ABCA13: variants seen among roughly 807,000 people sequenced by gnomAD.
ABCA13 encodes ATP-binding cassette sub-family A member 13.
Under a neutral mutation model 478.7 loss-of-function variants are expected in ABCA13, and 476 were observed. The ratio of observed to expected loss-of-function variants is 0.99; its 90% CI spans 0.92 to 1.07. The LOEUF (loss-of-function observed/expected upper bound fraction) is 1.07, where lower values mean the gene tolerates loss of function less well. ABCA13 is among the 50% of genes least tolerant of loss of function. ABCA13 has a pLI of 0.00. For synonymous variants in ABCA13, 2,252 were observed against 2,158.9 expected (o/e 1.04, Z -1.20); for missense variants, 6,060 against 5,910.6 (o/e 1.03, Z -0.83).
At position 48,275,082 on chromosome 7, in the gene ABCA13, T is replaced by A. The variant is rs372653548; in HGVS notation, c.5416T>A (p.Ser1806Thr). Reference protein sequence around the residue: ...KILLDTIELVSDKPDIISEAL... With the variant: ...KILLDTIELVTDKPDIISEAL... ...TCTTTTGGATACAATTGAATTAGTA[T>A]CAGATAAGCCAGATATTATTTCAGA... The change falls in exon 17 of 62, where the codon TCA becomes ACA. Residue 1806 changes from serine (S) to threonine (T), a missense_variant. Ser to Thr is a moderately conservative substitution (Grantham distance 58). Transcript: ENST00000435803. The A allele has an allele frequency of 3.0e-5, 48 of 1,613,196 alleles. No homozygotes were observed. Among genetic ancestry groups the A allele is most frequent in the Non-Finnish European group, 4.0e-5 (47 of 1,179,544 alleles).
chr7:48,298,884 A>G (rs929642807), intron 23 of ABCA13, among the ~76,000 whole-genome samples: 1 of 152,222 alleles, frequency 6.6e-6, no homozygotes, highest in Non-Finnish European at 1.5e-5. Flanking sequence ...AGAATCAACT[A>G]TGACTTCCTC....
chr7:48,252,813 A>G (rs1584452744), intron 15 of ABCA13, among the ~76,000 whole-genome samples: 1 of 152,158 alleles, frequency 6.6e-6, no homozygotes, highest in East Asian at 1.9e-4. Context: ...TTAGCGGACA[A>G]TCTCTGGAGA....
At chr7:48,293,061 C>G (rs1445591537) in intron 20 of ABCA13, among the ~76,000 whole-genome samples, 1 of 152,110 alleles carries the variant, frequency 6.6e-6, no homozygotes, top group African/African-American at 2.4e-5. Flanking sequence ...AAGTTGCATG[C>G]TTTGTAATAA....
At position 48,326,236 on chromosome 7, in the gene ABCA13, C is replaced by G. The variant is rs73097187; in HGVS notation, c.9999+8940C>G. ...AGAAAATCCCTCTTCCTTCACTGTC[C>G]CTCCAGAGCCCTCTTCTGGCAAAGC... On this transcript the variant is annotated intron_variant, in intron 27 of 61. Coordinates refer to ENST00000435803, the MANE Select transcript of ABCA13 (RefSeq NM_152701.5). Among the ~76,000 whole-genome samples, 84 of 152,296 alleles carry G rather than the reference C, an allele frequency of 5.5e-4. 1 individual carries two copies. The highest frequency in any genetic ancestry group is 9.7e-4 in the Non-Finnish European group (66 of 68,026).
At chr7:48,602,681 T>C (rs1305416026) in intron 58 of ABCA13, among the ~76,000 whole-genome samples, 3 of 152,166 alleles carry the variant, frequency 2.0e-5, no homozygotes, top group African/African-American at 7.2e-5. Flanking sequence ...TTGTTCTTTT[T>C]GCTTAGGATT....
chr7:48,284,553 C>T (rs7779867), intron 19 of ABCA13, among the ~76,000 whole-genome samples: 110,945 of 152,196 alleles, frequency 0.73, 41,182 homozygotes, highest in East Asian at 0.99. Flanking sequence ...AATTCAGCCA[C>T]GTTTGAAGAC....
intron 20 of ABCA13, among the ~76,000 whole-genome samples, chr7:48,291,955 C>T (rs1460736670): frequency 6.6e-6 from 1 of 152,184 alleles, no homozygotes; most frequent in African/African-American, 2.4e-5. Flanking sequence ...AATTCCACAC[C>T]TGGCTCCTCT....
intron 55 of ABCA13, among the ~76,000 whole-genome samples, chr7:48,531,869 AT>A (rs2131057800): frequency 6.6e-6 from 1 of 151,502 alleles, no homozygotes; most frequent in African/African-American, 2.4e-5. Flanking sequence ...ACCTTGCTGA[AT>A]TTATTTACTA....
chr7:48,383,011 T>C (rs1814636203), intron 35 of ABCA13, among the ~76,000 whole-genome samples: 1 of 152,260 alleles, frequency 6.6e-6, no homozygotes, highest in East Asian at 1.9e-4. Context: ...CCTGTCCTAC[T>C]CATTCTTGGG....
At position 48,548,279 on chromosome 7, in the gene ABCA13, G is replaced by A. The variant is rs376242897; in HGVS notation, c.14354+19934G>A. Among the ~76,000 whole-genome samples, 10 of 151,758 alleles carry A rather than the reference G, an allele frequency of 6.6e-5. 1 individual carries two copies. Among genetic ancestry groups the A allele is most frequent in the African/African-American group, 9.7e-5 (4 of 41,360 alleles). ...TTGGGTACAGTCTTTGTTTCATTAC[G>A]CAGTGGTATTAGAAAACTTCTGAAA... On this transcript the variant is annotated intron_variant, in intron 55 of 61. Coordinates refer to ENST00000435803, the MANE Select transcript of ABCA13 (RefSeq NM_152701.5).
At chr7:48,570,644 A>G (rs917675616) in intron 55 of ABCA13, among the ~76,000 whole-genome samples, 1 of 151,892 alleles carries the variant, frequency 6.6e-6, no homozygotes, top group African/African-American at 2.4e-5. Flanking sequence ...CTTTCAAACT[A>G]TTTGTGACTT....
At chr7:48,560,349 C>T (rs1035631943) in intron 55 of ABCA13, among the ~76,000 whole-genome samples, 2 of 152,170 alleles carry the variant, frequency 1.3e-5, no homozygotes, top group Admixed American at 1.3e-4. Flanking sequence ...TCTTCCTCCC[C>T]CAAGTGCACA....
intron 15 of ABCA13, among the ~76,000 whole-genome samples, chr7:48,257,623 G>A (rs1793589678): frequency 6.6e-6 from 1 of 152,028 alleles, no homozygotes; most frequent in Non-Finnish European, 1.5e-5. Context: ...TGTATATGTT[G>A]GACCAAACTT....
At chr7:48,527,945 C>G (rs1316061121) in intron 54 of ABCA13, among the ~76,000 whole-genome samples, 1 of 152,124 alleles carries the variant, frequency 6.6e-6, no homozygotes, top group East Asian at 1.9e-4. Context: ...TTGGCATTTA[C>G]TTCTCATCCT....
intron 3 of ABCA13, among the ~76,000 whole-genome samples, chr7:48,215,045 G>T (rs1020412819): frequency 7.9e-5 from 12 of 152,090 alleles, no homozygotes; most frequent in Admixed American, 2.0e-4. Context: ...AACATGGGAG[G>T]TGGAGGTTGC....
chr7:48,463,017 G>A (rs1052651145), intron 43 of ABCA13, among the ~76,000 whole-genome samples: 2 of 152,158 alleles, frequency 1.3e-5, no homozygotes, highest in African/African-American at 4.8e-5. Flanking sequence ...CTAAACAGTG[G>A]CTATCCTCTT....
chr7:48,288,436 C>T (rs1490362232), intron 20 of ABCA13, among the ~76,000 whole-genome samples: 2 of 152,162 alleles, frequency 1.3e-5, no homozygotes, highest in African/African-American at 2.4e-5. Flanking sequence ...TTCATCACTT[C>T]CTAATTATTT....
chr7:48,229,885 T>A lies in ABCA13; in HGVS notation c.693T>A (p.Val231=), dbSNP rs199770689. 1.0e-4 allele frequency: 166 copies of A among 1,613,922 alleles called. No individual in the cohort carries two copies. Among genetic ancestry groups the A allele is most frequent in the Non-Finnish European group, 1.2e-4 (139 of 1,179,904 alleles). ...CACTCAACCAAACTTTTTCCCAGGT[T>A]TCTGAACTTGTACTGAATGTGACCA... ...WLPLNQTFSQ[V]SELVLNVTIS... Residue 231 remains valine (V), a synonymous_variant, in exon 7 of 62, where the codon GTT becomes GTA. Coordinates refer to ENST00000435803, the MANE Select transcript of ABCA13 (RefSeq NM_152701.5).
At chr7:48,591,332 A>G (rs61706229) in intron 57 of ABCA13, among the ~76,000 whole-genome samples, 18,938 of 151,978 alleles carry the variant, frequency 0.12, 1,393 homozygotes, top group East Asian at 0.18. Context: ...CTATGAATCT[A>G]TACATCTGTT....
Sources: gnomAD v4.1 joint callset for allele counts (sites outside exome capture counted in the v4.1 genomes callset) on GRCh38, gnomAD v4.1.1 for gene constraint, MANE v1.5 for transcripts, NCBI Gene and HGNC (gene_info 2026-07-23, HGNC 2026-07-21) for gene names.